The following DPEP1 variants were observed in gnomAD, a reference collection of about 807,000 sequenced individuals.
The protein encoded by DPEP1 is dipeptidase 1.
Under a neutral mutation model 42.3 loss-of-function variants are expected in DPEP1, and 50 were observed. The observed-to-expected ratio is 1.18, with a 90% CI of 0.94 to 1.50. The LOEUF is 1.50. DPEP1 is among the 40% of genes most tolerant of loss of function. The pLI is 0.00. For missense variants in DPEP1, 663 were observed against 553.0 expected, an observed-to-expected ratio of 1.20 and a Z score of -1.99; for synonymous variants, 297 against 234.0, an observed-to-expected ratio of 1.27 and a Z score of -2.46.
intron 2 of DPEP1, 103 bp from the exon 3 acceptor site, chr16:89,635,805 G>A (rs2059669951): frequency 2.1e-6 from 3 of 1,427,618 alleles, no homozygotes; most frequent in Admixed American, 2.7e-5. Flanking sequence ...CGTCTGTCGT[G>A]AGGAGTAGGA....
intron 1 of DPEP1, among the ~76,000 whole-genome samples, chr16:89,621,771 G>T (rs113806384): frequency 1.2e-3 from 187 of 152,328 alleles, no homozygotes; most frequent in African/African-American, 4.4e-3. Context: ...TACTCATCCC[G>T]TGGGAAAGTC....
downstream of DPEP1, among the ~76,000 whole-genome samples, chr16:89,638,796 C>CATA (rs1295642970): frequency 2.7e-5 from 1 of 36,686 alleles, no homozygotes. Flanking sequence ...GCACGCACAC[C>CATA]CCCCACCCCT....
intron 1 of DPEP1, among the ~76,000 whole-genome samples, chr16:89,623,611 A>T (rs1196481302): frequency 6.6e-6 from 1 of 152,136 alleles, no homozygotes; most frequent in African/African-American, 2.4e-5. Flanking sequence ...GGCGGAAAAG[A>T]ACACAGCAAA....
downstream of DPEP1, chr16:89,640,733 C>T: frequency 1.4e-6 from 1 of 701,408 alleles, no homozygotes; most frequent in South Asian, 6.4e-5. Flanking sequence ...ATTTTATTAA[C>T]AGTATTTGTA....
chr16:89,635,654 A>G (rs2059667526), intron 2 of DPEP1, among the ~76,000 whole-genome samples: 1 of 152,200 alleles, frequency 6.6e-6, no homozygotes. Context: ...AGGCCCTGGA[A>G]GGGATGGGCT....
downstream of DPEP1, chr16:89,640,461 C>T: frequency 5.9e-6 from 4 of 673,566 alleles, no homozygotes; most frequent in Non-Finnish European, 7.3e-6. Context: ...AGTCGAGGAG[C>T]AGGGGGCTCC....
In DPEP1 at chr16:89,636,333, G is replaced by T; in HGVS notation, c.307G>T (p.Asp103Tyr). Residue 103 changes from aspartate (D) to tyrosine (Y), a missense_variant, in exon 4 of 11, where the codon GAC becomes TAC. Asp to Tyr is a radical substitution (Grantham distance 160). Transcript: ENST00000690203. Reference sequence around the variant, plus strand: ...CGTGCGGAGGACGCTGGAGCAGATGGACGTGGTCCACCGCATGTGCCGGAT... The same window carrying T: ...CGTGCGGAGGACGCTGGAGCAGATGTACGTGGTCCACCGCATGTGCCGGAT... ...DAVRRTLEQM[D>Y]VVHRMCRMYP... 3 of 1,612,626 alleles carry T rather than the reference G, an allele frequency of 1.9e-6. No individual in the cohort carries two copies. Among genetic ancestry groups the T allele is most frequent in the Non-Finnish European group, 2.5e-6 (3 of 1,179,926 alleles).
At chr16:89,634,085 C>CTCT (rs2059626556) in intron 2 of DPEP1, among the ~76,000 whole-genome samples, 1 of 97,008 alleles carries the variant, frequency 1.0e-5, no homozygotes, top group East Asian at 4.1e-4. Flanking sequence ...TTTCTCTTCT[C>CTCT]TTCTTCTTTT....
rs200474870 is a variant in DPEP1 at position 89,636,070 on chromosome 16, T to G, written c.237+30T>G. ...CGCCTGCCCTGCCTTGTGCTTGCCC[T>G]GTGTGGGGTCATCCCGTCTCCTACC... On this transcript the variant is annotated intron_variant, in intron 3 of 10. Transcript: ENST00000690203. 11 of 1,589,030 alleles carry G rather than the reference T, an allele frequency of 6.9e-6. No homozygotes were observed. The East Asian group carries it at 2.3e-4, about 33-fold the overall frequency.
intron 1 of DPEP1, among the ~76,000 whole-genome samples, chr16:89,628,199 G>A (rs1412798867): frequency 2.4e-4 from 36 of 151,804 alleles, no homozygotes; most frequent in African/African-American, 8.2e-4. Context: ...TGGGATTACA[G>A]GCGTGAGCCA....
At chr16:89,632,041 T>TTTTTG (rs1308147962) in intron 2 of DPEP1, among the ~76,000 whole-genome samples, 7 of 151,462 alleles carry the variant, frequency 4.6e-5, no homozygotes, top group Admixed American at 1.3e-4. Flanking sequence ...CAGGGTCAGG[T>TTTTTG]TTTTGTTTTG....
chr16:89,630,529 G>T lies in DPEP1; in HGVS notation c.104+15G>T. ...GTCATTGATGGGTGAGTGCTCACCT[G>T]AGCCAGGTGCTTAGGGAACCAGGAC... On this transcript the variant is annotated intron_variant, in intron 2 of 10. Coordinates refer to ENST00000690203, the MANE Select transcript of DPEP1 (RefSeq NM_001389466.1). 1 of 1,547,000 alleles carries T rather than the reference G, an allele frequency of 6.5e-7. No individual in the cohort carries two copies. Among genetic ancestry groups the T allele is most frequent in the East Asian group, 2.5e-5 (1 of 40,082 alleles).
chr16:89,625,146 C>T (rs571465573), intron 1 of DPEP1, among the ~76,000 whole-genome samples: 1 of 152,146 alleles, frequency 6.6e-6, no homozygotes, highest in African/African-American at 2.4e-5. Flanking sequence ...GTGCTTTGGC[C>T]TCGGACTCTC....
At chr16:89,620,954 G>A (rs1232343645) in intron 1 of DPEP1, among the ~76,000 whole-genome samples, 1 of 152,202 alleles carries the variant, frequency 6.6e-6, no homozygotes, top group Non-Finnish European at 1.5e-5. Context: ...ATAGCATGGA[G>A]CACCATCACA....
At chr16:89,636,823 G>T (rs1396501483) in intron 5 of DPEP1, 43 bp from the exon 6 acceptor site, 1 of 1,610,160 alleles carries the variant, frequency 6.2e-7, no homozygotes, top group South Asian at 1.1e-5. Context: ...GGGAGGCCGA[G>T]ACCACCGCTC....
Position 89,636,936 on chromosome 16 carries a change from G to T in DPEP1, c.591+1G>T, listed in dbSNP as rs112240482. On this transcript the variant is annotated splice_donor_variant, in intron 6 of 10. Coordinates refer to ENST00000690203, the MANE Select transcript of DPEP1 (RefSeq NM_001389466.1). LOFTEE classifies it high-confidence loss of function. Reference sequence around the variant, plus strand: ...CCAAGGCTTGTCACCCTTTGGGCAGGTGAGTGGGGTGGGAGCGGCCAGTCA... The same window carrying T: ...CCAAGGCTTGTCACCCTTTGGGCAGTTGAGTGGGGTGGGAGCGGCCAGTCA... 11 of 1,612,170 alleles carry T rather than the reference G, an allele frequency of 6.8e-6. No individual in the cohort carries two copies. Among genetic ancestry groups the T allele is most frequent in the African/African-American group, 2.7e-5 (2 of 74,942 alleles).
At chr16:89,639,718 CTCCG>C (rs201531054), downstream of DPEP1, among the ~76,000 whole-genome samples, 2,366 of 152,070 alleles carry the variant, frequency 0.016, 16 homozygotes, top group Non-Finnish European at 0.026. Context: ...TGGAATCTCG[CTCCG>C]TCACCCAGGC....
In DPEP1 at chr16:89,638,391, C is replaced by T; in HGVS notation, c.*169C>T. On this transcript the variant is annotated 3_prime_UTR_variant, in exon 11 of 11. Transcript: ENST00000690203. Reference sequence around the variant, plus strand: ...CAGGATGCCTGGGGACAGTTCAGGACACACACACAGTAGGCCCGCAATAAA... The same window carrying T: ...CAGGATGCCTGGGGACAGTTCAGGATACACACACAGTAGGCCCGCAATAAA... 3.6e-6 allele frequency: 5 copies of T among 1,386,522 alleles called. No individual in the cohort carries two copies. The South Asian group carries it at 5.2e-5, about 15-fold the overall frequency. 85.9% of individuals were successfully genotyped at this position (1,386,522 alleles called of 1,614,324 possible).
In DPEP1 at chr16:89,637,528, A is replaced by T; in HGVS notation, c.829A>T (p.Lys277Ter). 4 of 1,612,698 alleles carry T rather than the reference A, an allele frequency of 2.5e-6. No homozygotes were observed. Among genetic ancestry groups the T allele is most frequent in the Non-Finnish European group, 2.5e-6 (3 of 1,179,938 alleles). The change falls in exon 8 of 11, where the codon AAG becomes TAG. Residue 277 changes from lysine (K) to a stop codon, truncating the protein, a stop_gained. Transcript: ENST00000690203. LOFTEE classifies it high-confidence loss of function. ...FYNNYISCTN[K>*]ANLSQVADHL... ...CAACAATTACATTTCCTGCACCAAC[A>T]AGGCCAACCTGTCCCAAGTGGCCGG...
Sources: allele counts gnomAD v4.1 joint callset (sites outside exome capture counted in the v4.1 genomes callset), GRCh38; gene constraint gnomAD v4.1.1; transcripts MANE v1.5; gene names NCBI Gene and HGNC (gene_info 2026-07-23, HGNC 2026-07-21).